KCND3: variants seen among roughly 807,000 people sequenced by gnomAD.
The protein encoded by KCND3 is potassium voltage-gated channel subfamily D member 3.
KCND3 carries 9 observed loss-of-function variants against 51.1 expected under a neutral mutation model. The ratio of observed to expected loss-of-function variants is 0.18; its 90% CI spans 0.11 to 0.31. KCND3 has a LOEUF of 0.31. Among genes scored for constraint, KCND3 ranks in the 10% least tolerant of loss-of-function variants. KCND3 has a pLI of 1.00. For synonymous variants in KCND3, 349 were observed against 368.0 expected (o/e 0.95, Z 0.59); for missense variants, 526 against 903.8 (o/e 0.58, Z 5.36).
chr1:111,775,807 G>T lies in KCND3; in HGVS notation c.*270C>A. ...TCCTGGCACATAGCCTATATCCCCCGGCCTATCCCCGACCCCCCCACCCTC... is the reference window on the plus strand; with the variant it reads ...TCCTGGCACATAGCCTATATCCCCCTGCCTATCCCCGACCCCCCCACCCTC... On this transcript the variant is annotated 3_prime_UTR_variant, in exon 8 of 8. Coordinates refer to ENST00000302127, the MANE Select transcript of KCND3 (RefSeq NM_001378969.1). 2 of 365,116 alleles carry T rather than the reference G, an allele frequency of 5.5e-6. No homozygotes were observed. The highest frequency in any genetic ancestry group is 9.9e-4 in the Middle Eastern group (1 of 1,008). The allele number at this position is 365,116 out of a possible 1,614,324, so 22.6% of individuals were successfully genotyped here. A position where few individuals can be genotyped will look rare whatever the true frequency, so the allele number is the denominator to read the frequency against.
intron 2 of KCND3, among the ~76,000 whole-genome samples, chr1:111,902,148 G>C (rs537787193): frequency 1.3e-5 from 2 of 152,334 alleles, no homozygotes; most frequent in East Asian, 1.9e-4. Flanking sequence ...CAGTGGGTCC[G>C]AGATAGGAAC....
At chr1:111,908,078 C>T (rs1319801915) in intron 2 of KCND3, among the ~76,000 whole-genome samples, 4 of 152,202 alleles carry the variant, frequency 2.6e-5, no homozygotes, top group African/African-American at 9.7e-5. Flanking sequence ...GCTTTACTTG[C>T]GTTGTTCCTC....
chr1:111,839,414 A>G (rs932051294), intron 2 of KCND3, among the ~76,000 whole-genome samples: 1 of 152,252 alleles, frequency 6.6e-6, no homozygotes, highest in Non-Finnish European at 1.5e-5. Flanking sequence ...CCTGCCCTTC[A>G]GCATTATCCT....
intron 2 of KCND3, among the ~76,000 whole-genome samples, chr1:111,810,483 A>G (rs1033348429): frequency 6.6e-6 from 1 of 152,182 alleles, no homozygotes; most frequent in African/African-American, 2.4e-5. Flanking sequence ...ACAGACTGGC[A>G]CCTTCTAACT....
At chr1:111,955,116 G>A (rs1673260483) in intron 2 of KCND3, among the ~76,000 whole-genome samples, 3 of 152,212 alleles carry the variant, frequency 2.0e-5, no homozygotes, top group African/African-American at 7.2e-5. Flanking sequence ...TATCTTTCAA[G>A]TCCAACCCTA....
At chr1:111,932,004 T>C (rs538827355) in intron 2 of KCND3, among the ~76,000 whole-genome samples, 18 of 152,350 alleles carry the variant, frequency 1.2e-4, no homozygotes, top group Admixed American at 5.2e-4. Flanking sequence ...AGGTCTGCAA[T>C]GGGCCTCCCT....
intron 2 of KCND3, among the ~76,000 whole-genome samples, chr1:111,832,812 A>T (rs1666900977): frequency 6.6e-6 from 1 of 152,224 alleles, no homozygotes; most frequent in Non-Finnish European, 1.5e-5. Context: ...AGATGTCTTT[A>T]TAACTAAAAG....
chr1:111,908,454 G>T (rs1290478723), intron 2 of KCND3, among the ~76,000 whole-genome samples: 1 of 152,218 alleles, frequency 6.6e-6, no homozygotes, highest in South Asian at 2.1e-4. Context: ...ACACTTGTAA[G>T]CTAGTAGGTG....
chr1:111,905,531 G>A (rs2101801613), intron 2 of KCND3, among the ~76,000 whole-genome samples: 1 of 152,342 alleles, frequency 6.6e-6, no homozygotes, highest in South Asian at 2.1e-4. Flanking sequence ...CCATGCGTCT[G>A]CAGCAACAGA....
intron 2 of KCND3, among the ~76,000 whole-genome samples, chr1:111,980,897 C>A (rs1674913827): frequency 6.6e-6 from 1 of 152,192 alleles, no homozygotes; most frequent in South Asian, 2.1e-4. Flanking sequence ...GATATTGCTG[C>A]TTCTGTGTCT....
intron 2 of KCND3, among the ~76,000 whole-genome samples, chr1:111,895,910 C>G (rs1180926947): frequency 6.6e-6 from 1 of 152,230 alleles, no homozygotes; most frequent in Non-Finnish European, 1.5e-5. Context: ...AGGATTTCTT[C>G]GAAGAAAGCT....
intron 2 of KCND3, among the ~76,000 whole-genome samples, chr1:111,804,471 G>A (rs1347572187): frequency 6.6e-6 from 1 of 152,136 alleles, no homozygotes; most frequent in Non-Finnish European, 1.5e-5. Context: ...CTGTGTTTTG[G>A]GTCTGACCTA....
intron 2 of KCND3, among the ~76,000 whole-genome samples, chr1:111,838,104 C>T (rs192762833): frequency 1.1e-3 from 160 of 152,304 alleles, no homozygotes; most frequent in Non-Finnish European, 1.9e-3. Flanking sequence ...CACTACACCC[C>T]TCCTTTCCGT....
intron 2 of KCND3, among the ~76,000 whole-genome samples, chr1:111,897,551 G>C (rs606859): frequency 0.23 from 34,469 of 152,166 alleles, 4,960 homozygotes; most frequent in African/African-American, 0.4. Context: ...GCACAGGAGC[G>C]GAGTGTGTCT....
intron 1 of KCND3, among the ~76,000 whole-genome samples, chr1:111,984,306 T>G (rs964838160): frequency 5.3e-5 from 8 of 152,216 alleles, no homozygotes; most frequent in Admixed American, 5.2e-4. Context: ...CCACTGGACT[T>G]TTCTGCTCAG....
intron 2 of KCND3, among the ~76,000 whole-genome samples, chr1:111,876,074 G>A (rs1259486910): frequency 6.6e-6 from 1 of 152,064 alleles, no homozygotes; most frequent in African/African-American, 2.4e-5. Context: ...CAACTCGCAG[G>A]GAAACTAGCC....
At chr1:111,871,299 G>A (rs187714987) in intron 2 of KCND3, among the ~76,000 whole-genome samples, 1 of 152,130 alleles carries the variant, frequency 6.6e-6, no homozygotes, top group Non-Finnish European at 1.5e-5. Flanking sequence ...TGGTAGGAAC[G>A]TCAGGTTAAG....
intron 2 of KCND3, among the ~76,000 whole-genome samples, chr1:111,920,957 CCT>C (rs1435513873): frequency 2.0e-5 from 3 of 152,144 alleles, no homozygotes; most frequent in African/African-American, 7.2e-5. Flanking sequence ...TTCTCTAAAC[CCT>C]GTGTATGGTT....
At chr1:111,922,212 A>G (rs1002729823) in intron 2 of KCND3, among the ~76,000 whole-genome samples, 9 of 152,222 alleles carry the variant, frequency 5.9e-5, no homozygotes, top group African/African-American at 2.2e-4. Context: ...TGGCAGGAGA[A>G]AAGGAAGGGA....
Sources: allele counts gnomAD v4.1 joint callset (sites outside exome capture counted in the v4.1 genomes callset), GRCh38; gene constraint gnomAD v4.1.1; transcripts MANE v1.5; gene names NCBI Gene and HGNC (gene_info 2026-07-23, HGNC 2026-07-21).